The following VKORC1L1 variants were observed in gnomAD, a reference collection of about 807,000 sequenced individuals.
VKORC1L1 encodes vitamin K epoxide reductase complex subunit 1L1, also known as vitamin K epoxide reductase complex subunit 1-like protein 1.
A neutral mutation model predicts 18.9 loss-of-function variants in VKORC1L1; 2 were observed. The observed-to-expected ratio is 0.11, with a 90% CI of 0.04 to 0.33. VKORC1L1 has a LOEUF of 0.33. VKORC1L1 is among the 10% of genes least tolerant of loss of function. The pLI, the probability that VKORC1L1 is intolerant of heterozygous loss-of-function variation, is 1.00. For synonymous variants in VKORC1L1, 96 were observed against 100.0 expected (o/e 0.96, Z 0.24); for missense variants, 123 against 224.1 (o/e 0.55, Z 2.88).
In VKORC1L1 at chr7:65,955,548, G is replaced by T. The variant is rs1338944358; in HGVS notation, c.*1248G>T. 2 of 152,236 alleles carry T rather than the reference G, an allele frequency of 1.3e-5. No individual in the cohort carries two copies. Among genetic ancestry groups the T allele is most frequent in the African/African-American group, 4.8e-5 (2 of 41,456 alleles). The allele number at this position is 152,236 out of a possible 1,614,324, so 9.4% of individuals were successfully genotyped here. A position where few individuals can be genotyped will look rare whatever the true frequency, so the allele number is the denominator to read the frequency against. On this transcript the variant is annotated 3_prime_UTR_variant, in exon 3 of 3. Coordinates refer to ENST00000360768, the MANE Select transcript of VKORC1L1 (RefSeq NM_173517.6). ...TGCAGTAAGAAGACTTTTGTAAGGGGATTTGAGTACACCCAAATGAAATTG... is the reference window on the plus strand; with the variant it reads ...TGCAGTAAGAAGACTTTTGTAAGGGTATTTGAGTACACCCAAATGAAATTG...
chr7:65,901,646 G>C (rs1451884070), intron 1 of VKORC1L1, among the ~76,000 whole-genome samples: 3 of 152,166 alleles, frequency 2.0e-5, no homozygotes, highest in African/African-American at 7.2e-5. Flanking sequence ...TGGTGTCTTA[G>C]AATTGGGAGG....
intron 1 of VKORC1L1, among the ~76,000 whole-genome samples, chr7:65,943,474 A>G (rs903620974): frequency 7.0e-4 from 107 of 152,308 alleles, no homozygotes; most frequent in African/African-American, 2.5e-3. Flanking sequence ...TAAGTTTACA[A>G]ATCTTCCACT....
chr7:65,893,946 G>A (rs1373764658), intron 1 of VKORC1L1, among the ~76,000 whole-genome samples: 1 of 151,976 alleles, frequency 6.6e-6, no homozygotes, highest in Admixed American at 6.6e-5. Context: ...GAATCAGTTT[G>A]GGAATAATTG....
chr7:65,944,078 C>T (rs1790079383), intron 1 of VKORC1L1, among the ~76,000 whole-genome samples: 2 of 152,074 alleles, frequency 1.3e-5, no homozygotes, highest in East Asian at 1.9e-4. Flanking sequence ...CTAAAAACTA[C>T]AAAAAATTAG....
chr7:65,947,153 CAAAA>C (rs1790133557), intron 1 of VKORC1L1, among the ~76,000 whole-genome samples: 1 of 151,888 alleles, frequency 6.6e-6, no homozygotes, highest in Non-Finnish European at 1.5e-5. Context: ...CAAAACAAAA[CAAAA>C]CAAACAAAAA....
At chr7:65,868,477 T>C (rs1430733046), upstream of VKORC1L1, among the ~76,000 whole-genome samples, 2 of 152,144 alleles carry the variant, frequency 1.3e-5, no homozygotes, top group Non-Finnish European at 2.9e-5. Context: ...ACTAGATATC[T>C]ACCCAAAGGG....
chr7:65,895,981 C>T (rs1251124807), intron 1 of VKORC1L1, among the ~76,000 whole-genome samples: 1 of 149,180 alleles, frequency 6.7e-6, no homozygotes, highest in African/African-American at 2.5e-5. Context: ...CTGCAACCTC[C>T]GCCTCCCGGG....
At chr7:65,889,916 A>G (rs1789082549) in intron 1 of VKORC1L1, among the ~76,000 whole-genome samples, 1 of 152,022 alleles carries the variant, frequency 6.6e-6, no homozygotes. Context: ...ATAATACTCT[A>G]TTATGAATAT....
At chr7:65,873,038 C>G (rs1490045662), upstream of VKORC1L1, among the ~76,000 whole-genome samples, 8 of 145,556 alleles carry the variant, frequency 5.5e-5, no homozygotes, top group Non-Finnish European at 1.2e-4. Context: ...ACCCCTCGCG[C>G]GCGACCGGCC....
At chr7:65,898,232 G>A (rs1372498433) in intron 1 of VKORC1L1, among the ~76,000 whole-genome samples, 6 of 151,562 alleles carry the variant, frequency 4.0e-5, no homozygotes, top group African/African-American at 7.3e-5. Flanking sequence ...GGTTACAGGC[G>A]CCTGCCATCA....
chr7:65,928,371 A>G (rs967611003), intron 1 of VKORC1L1, among the ~76,000 whole-genome samples: 1 of 149,714 alleles, frequency 6.7e-6, no homozygotes, highest in African/African-American at 2.5e-5. Flanking sequence ...GATTACAGGC[A>G]TGTGCTCCTG....
chr7:65,876,782 C>T (rs1788834167), intron 1 of VKORC1L1, among the ~76,000 whole-genome samples: 1 of 152,188 alleles, frequency 6.6e-6, no homozygotes, highest in Admixed American at 6.5e-5. Context: ...CAGTGGCTCA[C>T]ACCTGTAATC....
intron 1 of VKORC1L1, among the ~76,000 whole-genome samples, chr7:65,889,087 ATTTT>A (rs57828998): frequency 2.9e-5 from 4 of 138,422 alleles, no homozygotes; most frequent in African/African-American, 7.9e-5. Context: ...ACCACTCTCA[ATTTT>A]TTTTTTTTTT....
At chr7:65,931,121 T>A (rs1789849825) in intron 1 of VKORC1L1, among the ~76,000 whole-genome samples, 1 of 152,194 alleles carries the variant, frequency 6.6e-6, no homozygotes, top group Admixed American at 6.5e-5. Context: ...TGGATTTGAT[T>A]TACCATATTT....
chr7:65,895,142 A>G (rs1789170521), intron 1 of VKORC1L1, among the ~76,000 whole-genome samples: 1 of 152,104 alleles, frequency 6.6e-6, no homozygotes, highest in African/African-American at 2.4e-5. Flanking sequence ...GACATCTTCC[A>G]GGTACTTCTG....
chr7:65,878,833 G>A (rs528051180), intron 1 of VKORC1L1, among the ~76,000 whole-genome samples: 7 of 152,274 alleles, frequency 4.6e-5, no homozygotes, highest in African/African-American at 1.2e-4. Flanking sequence ...ACTTGAACCC[G>A]GGAGGTGGAG....
At chr7:65,904,059 AT>A (rs1190770216) in intron 1 of VKORC1L1, among the ~76,000 whole-genome samples, 6 of 152,204 alleles carry the variant, frequency 3.9e-5, no homozygotes, top group Non-Finnish European at 8.8e-5. Context: ...GTTGCACAAC[AT>A]TGTGAATTAA....
At chr7:65,906,501 A>AC (rs1286409021) in intron 1 of VKORC1L1, among the ~76,000 whole-genome samples, 1 of 152,070 alleles carries the variant, frequency 6.6e-6, no homozygotes, top group Admixed American at 6.6e-5. Flanking sequence ...ATTTTGTAAG[A>AC]CCCCCAAAGG....
Position 65,907,641 on chromosome 7 carries a change from A to G in VKORC1L1, c.194+34076A>G, listed in dbSNP as rs887454746. Among the ~76,000 whole-genome samples, 14 of 152,290 alleles carry G rather than the reference A, an allele frequency of 9.2e-5. 1 individual carries two copies. The South Asian group carries it at 1.4e-3, about 16-fold the overall frequency. ...TTACTGTCAATAAACACCACTGTGAATACTACTGTTTTGTTTCATTTTGTT... is the reference window on the plus strand; with the variant it reads ...TTACTGTCAATAAACACCACTGTGAGTACTACTGTTTTGTTTCATTTTGTT... On this transcript the variant is annotated intron_variant, in intron 1 of 2. Coordinates refer to ENST00000360768, the MANE Select transcript of VKORC1L1 (RefSeq NM_173517.6).
Sources: gnomAD v4.1 joint callset for allele counts (sites outside exome capture counted in the v4.1 genomes callset) on GRCh38, gnomAD v4.1.1 for gene constraint, MANE v1.5 for transcripts, NCBI Gene and HGNC (gene_info 2026-07-23, HGNC 2026-07-21) for gene names.